Variants in USH2A observed in about 807,000 individuals in gnomAD.
USH2A encodes the protein usherin.
USH2A carries 443 observed loss-of-function variants against 538.9 expected under a neutral mutation model. The ratio of observed to expected loss-of-function variants is 0.82; its 90% CI spans 0.76 to 0.89. The LOEUF (loss-of-function observed/expected upper bound fraction) is 0.89. Among genes scored for constraint, USH2A ranks in the 40% least tolerant of loss-of-function variants. USH2A has a pLI of 0.00. For missense variants in USH2A, 6,633 were observed against 6,324.8 expected (o/e 1.05, Z -1.65); for synonymous variants, 2,413 against 2,273.5 (o/e 1.06, Z -1.75).
intron 13 of USH2A, among the ~76,000 whole-genome samples, chr1:216,244,330 G>T (rs2035993146): frequency 6.6e-6 from 1 of 152,130 alleles, no homozygotes; most frequent in African/African-American, 2.4e-5. Flanking sequence ...TCTAGACTGC[G>T]ACTGGAAGAT....
At chr1:216,275,501 G>T (rs1022579311) in intron 11 of USH2A, among the ~76,000 whole-genome samples, 2 of 152,048 alleles carry the variant, frequency 1.3e-5, no homozygotes, top group African/African-American at 4.8e-5. Flanking sequence ...AGTGGTAAAA[G>T]TTGCTAGGAA....
chr1:216,012,193 C>T (rs911746188), intron 32 of USH2A, among the ~76,000 whole-genome samples: 4 of 149,684 alleles, frequency 2.7e-5, no homozygotes, highest in Non-Finnish European at 5.9e-5. Flanking sequence ...CCAGCAAAGG[C>T]AGGCTATGCT....
chr1:216,285,162 C>T (rs1018388225), intron 11 of USH2A, among the ~76,000 whole-genome samples: 1 of 152,148 alleles, frequency 6.6e-6, no homozygotes, highest in Non-Finnish European at 1.5e-5. Context: ...GAAAGTGTCT[C>T]CAGGACATGT....
intron 11 of USH2A, among the ~76,000 whole-genome samples, chr1:216,275,240 T>G (rs767498898): frequency 9.9e-5 from 15 of 152,058 alleles, no homozygotes; most frequent in Admixed American, 5.2e-4. Flanking sequence ...CATGTTAAAT[T>G]AGAGCATTTC....
chr1:215,733,063 G>A (rs1406115404), intron 60 of USH2A, among the ~76,000 whole-genome samples: 2 of 152,070 alleles, frequency 1.3e-5, no homozygotes, highest in Non-Finnish European at 2.9e-5. Flanking sequence ...CTGGCTCACA[G>A]TCCTGCAGGG....
chr1:216,165,978 G>A (rs2034159876), intron 21 of USH2A, among the ~76,000 whole-genome samples: 1 of 151,742 alleles, frequency 6.6e-6, no homozygotes, highest in African/African-American at 2.4e-5. Flanking sequence ...ACTTTCCCCT[G>A]AGTCCCCAAA....
intron 21 of USH2A, among the ~76,000 whole-genome samples, chr1:216,171,211 C>T (rs192198655): frequency 6.6e-6 from 1 of 151,820 alleles, no homozygotes; most frequent in East Asian, 1.9e-4. Context: ...CTCACAGATG[C>T]CATGATTACA....
intron 43 of USH2A, among the ~76,000 whole-genome samples, chr1:215,874,240 A>G (rs1558138550): frequency 6.6e-6 from 1 of 152,158 alleles, no homozygotes; most frequent in Non-Finnish European, 1.5e-5. Context: ...CAACAACCAT[A>G]ACTTGCTCAC....
intron 30 of USH2A, among the ~76,000 whole-genome samples, chr1:216,052,109 T>G (rs2030806695): frequency 6.6e-6 from 1 of 152,168 alleles, no homozygotes; most frequent in Non-Finnish European, 1.5e-5. Flanking sequence ...TTTTAGCCAC[T>G]CCTTATTTTA....
intron 21 of USH2A, among the ~76,000 whole-genome samples, chr1:216,161,666 C>T (rs912162588): frequency 3.3e-5 from 5 of 151,898 alleles, no homozygotes; most frequent in African/African-American, 4.8e-5. Flanking sequence ...TTCCTATGTC[C>T]TAATACACTT....
intron 32 of USH2A, among the ~76,000 whole-genome samples, chr1:216,009,186 G>A (rs1571884687): frequency 6.6e-6 from 1 of 151,884 alleles, no homozygotes; most frequent in African/African-American, 2.4e-5. Context: ...TTTCTGGAGG[G>A]TAAGAACCCC....
At chr1:216,312,878 CT>C (rs1356699484) in intron 9 of USH2A, among the ~76,000 whole-genome samples, 2 of 151,976 alleles carry the variant, frequency 1.3e-5, no homozygotes, top group Non-Finnish European at 2.9e-5. Flanking sequence ...TGCTTTGTAA[CT>C]TTTTGTTGAA....
intron 13 of USH2A, among the ~76,000 whole-genome samples, chr1:216,242,179 A>G (rs604975): frequency 0.96 from 142,668 of 149,176 alleles, 68,250 homozygotes; most frequent in African/African-American, 0.99. Flanking sequence ...GTGAAACCCC[A>G]TCTCTGCTTT....
intron 44 of USH2A, among the ~76,000 whole-genome samples, chr1:215,857,473 A>T (rs1174521843): frequency 2.6e-5 from 4 of 152,218 alleles, no homozygotes; most frequent in Admixed American, 1.3e-4. Context: ...CAGAAGCCAG[A>T]AAAGATTCTT....
chr1:215,846,207 TTTTTA>T (rs1290861913), intron 44 of USH2A, among the ~76,000 whole-genome samples, 174 bp from the exon 45 acceptor site: 1 of 152,036 alleles, frequency 6.6e-6, no homozygotes, highest in African/African-American at 2.4e-5. Flanking sequence ...GTGGTGATAG[TTTTTA>T]TTTTATTTAT....
intron 3 of USH2A, among the ~76,000 whole-genome samples, chr1:216,404,216 A>G (rs1027135403): frequency 2.6e-5 from 4 of 152,002 alleles, no homozygotes; most frequent in Non-Finnish European, 5.9e-5. Flanking sequence ...AAGATTTCAA[A>G]TCACTCCAAA....
intron 61 of USH2A, among the ~76,000 whole-genome samples, chr1:215,699,431 T>C (rs771228813): frequency 1.3e-4 from 20 of 152,200 alleles, no homozygotes; most frequent in Non-Finnish European, 2.4e-4. Context: ...TTCAGGATAT[T>C]GATTCTTCCT....
intron 44 of USH2A, among the ~76,000 whole-genome samples, chr1:215,856,833 GT>G (rs1195322418): frequency 9.6e-4 from 10 of 10,412 alleles, no homozygotes; most frequent in African/African-American, 2.7e-3. Flanking sequence ...AAAAAATTTG[GT>G]GTGTGTGTGT....
intron 21 of USH2A, among the ~76,000 whole-genome samples, chr1:216,099,508 AG>A (rs1406877473): frequency 6.6e-6 from 1 of 152,210 alleles, no homozygotes; most frequent in Non-Finnish European, 1.5e-5. Flanking sequence ...GAGCAGGAAT[AG>A]GATTTTCAAA....
Sources: allele counts gnomAD v4.1 joint callset (sites outside exome capture counted in the v4.1 genomes callset), GRCh38; gene constraint gnomAD v4.1.1; transcripts MANE v1.5; gene names NCBI Gene and HGNC (gene_info 2026-07-23, HGNC 2026-07-21).